SLC25A13: variants seen among roughly 807,000 people sequenced by gnomAD.
SLC25A13 encodes electrogenic aspartate/glutamate antiporter SLC25A13, mitochondrial.
In SLC25A13, 70 loss-of-function variants were observed where a neutral mutation model predicts 85.5. That is an observed-to-expected ratio of 0.82 (90% confidence interval 0.68 to 1.00). The LOEUF is 1.00. SLC25A13 is among the 50% of genes least tolerant of loss of function. SLC25A13 has a pLI of 0.00. For missense variants in SLC25A13, 765 were observed against 819.8 expected (o/e 0.93, Z 0.82); for synonymous variants, 259 against 288.7 (o/e 0.90, Z 1.04).
chr7:96,195,199 G>T (rs1795014415), intron 5 of SLC25A13, among the ~76,000 whole-genome samples: 1 of 152,132 alleles, frequency 6.6e-6, no homozygotes, highest in Non-Finnish European at 1.5e-5. Context: ...ACCCCATATT[G>T]TAGATCCCCC....
chr7:96,150,770 G>T (rs1196755534), intron 13 of SLC25A13, among the ~76,000 whole-genome samples: 1 of 152,054 alleles, frequency 6.6e-6, no homozygotes, highest in East Asian at 1.9e-4. Flanking sequence ...TGAACTTTCA[G>T]ATTCTAGAAA....
intron 5 of SLC25A13, among the ~76,000 whole-genome samples, chr7:96,202,014 T>C (rs1167203137): frequency 1.3e-5 from 2 of 152,172 alleles, no homozygotes; most frequent in African/African-American, 4.8e-5. Flanking sequence ...TCTCTAGGGC[T>C]CAGGATCTAA....
At chr7:96,300,951 A>G (rs925813451) in intron 1 of SLC25A13, among the ~76,000 whole-genome samples, 5 of 152,174 alleles carry the variant, frequency 3.3e-5, no homozygotes, top group Non-Finnish European at 2.9e-5. Context: ...TTCTTGTTTT[A>G]AGTGTCATTT....
chr7:96,180,457 T>C (rs1794379168), intron 11 of SLC25A13, among the ~76,000 whole-genome samples: 1 of 152,240 alleles, frequency 6.6e-6, no homozygotes, highest in Middle Eastern at 3.4e-3. Context: ...TGCCTCAGCC[T>C]GTAGCTGCGA....
At chr7:96,186,952 A>C (rs1584427202) in intron 9 of SLC25A13, among the ~76,000 whole-genome samples, 1 of 152,314 alleles carries the variant, frequency 6.6e-6, no homozygotes, top group East Asian at 1.9e-4. Flanking sequence ...TACAGTAGCT[A>C]AAACTAGGTG....
chr7:96,258,171 C>T (rs1426004709), intron 3 of SLC25A13, among the ~76,000 whole-genome samples: 3 of 152,130 alleles, frequency 2.0e-5, no homozygotes, highest in Non-Finnish European at 4.4e-5. Flanking sequence ...GACAAGGATG[C>T]CCTCTCTCAC....
chr7:96,257,658 C>T (rs1269673935), intron 3 of SLC25A13, among the ~76,000 whole-genome samples: 2 of 152,200 alleles, frequency 1.3e-5, no homozygotes, highest in Non-Finnish European at 2.9e-5. Flanking sequence ...TGGTACCATT[C>T]CTTCTGAAAC....
chr7:96,301,691 C>T (rs1244651567), intron 1 of SLC25A13, among the ~76,000 whole-genome samples: 4 of 150,182 alleles, frequency 2.7e-5, no homozygotes, highest in African/African-American at 4.9e-5. Flanking sequence ...TGCAGTGGTG[C>T]GATCATGGCT....
At position 96,121,305 on chromosome 7, in the gene SLC25A13, C is replaced by G. The variant is rs1479190151; in HGVS notation, c.1914G>C (p.Gly638=). The G allele has an allele frequency of 6.2e-7, 1 of 1,614,084 alleles. No individual in the cohort carries two copies. Among genetic ancestry groups the G allele is most frequent in the South Asian group, 1.1e-5 (1 of 91,072 alleles). ...NLPAPNPDHV[G]GYKLAVATFA... is the part of the protein sequence containing the mutation. ...ATGTAGCAACTGCCAGTTTGTAGCC[C>G]CCAACGTGATCAGGATTCGGGGCAG... Residue 638 remains glycine, a synonymous_variant, in exon 18 of 18, where the codon GGG becomes GGC. Transcript: ENST00000265631.
chr7:96,163,186 A>C (rs988923415), intron 13 of SLC25A13, among the ~76,000 whole-genome samples: 14 of 152,186 alleles, frequency 9.2e-5, no homozygotes, highest in African/African-American at 2.9e-4. Context: ...ATCAGAATGC[A>C]CTGGCAGTGA....
intron 3 of SLC25A13, among the ~76,000 whole-genome samples, chr7:96,255,688 A>AAAT (rs1797607946): frequency 6.6e-6 from 1 of 152,162 alleles, no homozygotes; most frequent in Non-Finnish European, 1.5e-5. Flanking sequence ...CCCTAACTCA[A>AAAT]AATAATAATA....
intron 9 of SLC25A13, among the ~76,000 whole-genome samples, chr7:96,187,135 A>T (rs1794672692): frequency 6.6e-6 from 1 of 152,266 alleles, no homozygotes; most frequent in South Asian, 2.1e-4. Context: ...TAAATAAAAC[A>T]GTAATTTTAT....
At chr7:96,207,920 G>A (rs930714928) in intron 5 of SLC25A13, among the ~76,000 whole-genome samples, 2 of 152,112 alleles carry the variant, frequency 1.3e-5, no homozygotes, top group Non-Finnish European at 2.9e-5. Flanking sequence ...TAGCACACTG[G>A]TTCTCCATGA....
At chr7:96,258,407 A>G (rs1030740056) in intron 3 of SLC25A13, among the ~76,000 whole-genome samples, 4 of 152,204 alleles carry the variant, frequency 2.6e-5, no homozygotes, top group African/African-American at 9.6e-5. Flanking sequence ...AATCACAAAC[A>G]TGCCTATACA....
intron 3 of SLC25A13, among the ~76,000 whole-genome samples, chr7:96,236,078 C>A (rs1796730881): frequency 6.6e-6 from 1 of 152,076 alleles, no homozygotes; most frequent in Non-Finnish European, 1.5e-5. Flanking sequence ...ATAGAGAGAA[C>A]ACATTTTTAT....
At chr7:96,234,406 G>A (rs965878022) in intron 4 of SLC25A13, among the ~76,000 whole-genome samples, 2 of 152,164 alleles carry the variant, frequency 1.3e-5, no homozygotes, top group Non-Finnish European at 2.9e-5. Flanking sequence ...ACAACGTGAA[G>A]ACAAGAAGTA....
chr7:96,295,547 A>G (rs2116991394), intron 2 of SLC25A13, among the ~76,000 whole-genome samples: 1 of 152,294 alleles, frequency 6.6e-6, no homozygotes, highest in East Asian at 1.9e-4. Context: ...GTTTCAGTGT[A>G]TATCTCTAAA....
At chr7:96,199,915 T>C (rs1189312419) in intron 5 of SLC25A13, among the ~76,000 whole-genome samples, 2 of 152,096 alleles carry the variant, frequency 1.3e-5, no homozygotes, top group South Asian at 4.1e-4. Context: ...TAGGTATATT[T>C]TGAATATAAA....
chr7:96,131,156 T>G (rs1240432840), intron 15 of SLC25A13, among the ~76,000 whole-genome samples: 1 of 152,180 alleles, frequency 6.6e-6, no homozygotes, highest in Non-Finnish European at 1.5e-5. Context: ...AAAAATGAAC[T>G]GATCCCTGGC....
Sources: gnomAD v4.1 joint callset for allele counts (sites outside exome capture counted in the v4.1 genomes callset) on GRCh38, gnomAD v4.1.1 for gene constraint, MANE v1.5 for transcripts, NCBI Gene and HGNC (gene_info 2026-07-23, HGNC 2026-07-21) for gene names.